Variants in MTCL2 observed in about 807,000 individuals in gnomAD.
MTCL2 encodes microtubule cross-linking factor 2.
At chr20:36,790,236 CCACCT>C in the MTCL2 span, among the ~76,000 whole-genome samples, 1 of 151,744 alleles carries the variant, frequency 6.6e-6, no homozygotes. Context: ...CATGATCCAC[CCACCT>C]CAGCCTCCCA....
chr20:36,792,324 A>G, the MTCL2 span, among the ~76,000 whole-genome samples: 1 of 152,154 alleles, frequency 6.6e-6, no homozygotes, highest in African/African-American at 2.4e-5. Flanking sequence ...CCTGGCCAAC[A>G]TGGTGAAACC....
At chr20:36,832,495 A>T in the MTCL2 span, among the ~76,000 whole-genome samples, 2 of 152,188 alleles carry the variant, frequency 1.3e-5, no homozygotes, top group African/African-American at 2.4e-5. Context: ...TTCTCCATGG[A>T]ATCCCTTTCC....
At chr20:36,831,662 T>A in the MTCL2 span, among the ~76,000 whole-genome samples, 7 of 152,060 alleles carry the variant, frequency 4.6e-5, no homozygotes, top group African/African-American at 1.7e-4. Context: ...TGCCCGAGGA[T>A]CTCGTAGGAC....
chr20:36,792,837 T>TATAC, the MTCL2 span, among the ~76,000 whole-genome samples: 1 of 130,094 alleles, frequency 7.7e-6, no homozygotes, highest in African/African-American at 2.8e-5. Flanking sequence ...TATAGATATA[T>TATAC]AGATAGATAG....
chr20:36,862,984 A>G, the MTCL2 span: 1 of 1,408,988 alleles, frequency 7.1e-7, no homozygotes, highest in Non-Finnish European at 9.3e-7. Flanking sequence ...GACACCTCCG[A>G]GCTGCTATCC....
chr20:36,833,615 G>A, the MTCL2 span, among the ~76,000 whole-genome samples: 4 of 152,186 alleles, frequency 2.6e-5, no homozygotes, highest in Admixed American at 2.0e-4. Flanking sequence ...TTGGGAGGTC[G>A]AGGTAGGAAG....
At chr20:36,800,302 A>T in the MTCL2 span, among the ~76,000 whole-genome samples, 1 of 152,264 alleles carries the variant, frequency 6.6e-6, no homozygotes, top group Non-Finnish European at 1.5e-5. Flanking sequence ...TGTTGTTAAT[A>T]TAATAAGAAG....
chr20:36,834,554 T>G, the MTCL2 span, among the ~76,000 whole-genome samples: 1 of 152,116 alleles, frequency 6.6e-6, no homozygotes, highest in African/African-American at 2.4e-5. Context: ...TTATCCACCC[T>G]GGGAGGCTGA....
At chr20:36,829,859 C>A in the MTCL2 span, among the ~76,000 whole-genome samples, 5 of 151,920 alleles carry the variant, frequency 3.3e-5, no homozygotes. Flanking sequence ...ATTAGCCAGG[C>A]GTGGTGGCAG....
chr20:36,796,525 G>T, the MTCL2 span, among the ~76,000 whole-genome samples: 1 of 152,196 alleles, frequency 6.6e-6, no homozygotes, highest in Non-Finnish European at 1.5e-5. Context: ...ATAATCCCAG[G>T]AATAGAGGTC....
chr20:36,783,752 G>A, the MTCL2 span: 1 of 984,906 alleles, frequency 1.0e-6, no homozygotes, highest in Non-Finnish European at 1.2e-6. Context: ...AAAGGCATTT[G>A]AAGAAACCAA....
At chr20:36,813,752 C>CAAAA in the MTCL2 span, among the ~76,000 whole-genome samples, 8 of 65,784 alleles carry the variant, frequency 1.2e-4, no homozygotes, top group Admixed American at 4.5e-4. Flanking sequence ...GACTCTGTCT[C>CAAAA]AAAAAAAAAA....
chr20:36,816,360 G>A, the MTCL2 span: 6 of 1,444,342 alleles, frequency 4.2e-6, no homozygotes, highest in Non-Finnish European at 4.7e-6. Context: ...GGGAGTCTCA[G>A]TACCAGCCAT....
At chr20:36,788,658 A>G in the MTCL2 span, among the ~76,000 whole-genome samples, 1 of 152,204 alleles carries the variant, frequency 6.6e-6, no homozygotes, top group Admixed American at 6.5e-5. Context: ...AAATAAATAA[A>G]TAAAATAAAA....
the MTCL2 span, among the ~76,000 whole-genome samples, chr20:36,861,187 AG>A: frequency 6.6e-6 from 1 of 152,206 alleles, no homozygotes. Context: ...CCAAGAGGGC[AG>A]GAGCAAAAGA....
the MTCL2 span, among the ~76,000 whole-genome samples, chr20:36,858,176 A>G: frequency 6.6e-6 from 1 of 152,144 alleles, no homozygotes; most frequent in Non-Finnish European, 1.5e-5. Context: ...AATCCTGGCT[A>G]TGTAATTTAG....
the MTCL2 span, among the ~76,000 whole-genome samples, chr20:36,811,641 A>AT: frequency 2.6e-5 from 4 of 151,672 alleles, no homozygotes; most frequent in Admixed American, 6.6e-5. Context: ...AAAAAAAAAA[A>AT]CAAAAAAAAG....
the MTCL2 span, among the ~76,000 whole-genome samples, chr20:36,803,765 G>A: frequency 1.3e-5 from 2 of 151,926 alleles, no homozygotes; most frequent in Non-Finnish European, 2.9e-5. Context: ...AGACTAGCCT[G>A]GCCAACATGG....
chr20:36,793,889 C>T, the MTCL2 span: 1 of 1,550,508 alleles, frequency 6.4e-7, no homozygotes. The surrounding 1 kb of genome is among the most constrained non-coding windows in gnomAD (Gnocchi z 6.8). Flanking sequence ...GCCATGGAGG[C>T]TGCTGCGGGG....
Sources: allele counts gnomAD v4.1 joint callset (sites outside exome capture counted in the v4.1 genomes callset), GRCh38; gene constraint gnomAD v4.1.1; non-coding constraint Gnocchi (gnomAD v3.1); transcripts MANE v1.5; gene names NCBI Gene and HGNC (gene_info 2026-07-23, HGNC 2026-07-21).